The following ZNF544 variants were observed in gnomAD, a reference collection of about 807,000 sequenced individuals.
The protein encoded by ZNF544 is zinc finger protein 544.
ZNF544 carries 10 observed loss-of-function variants against 13.5 expected under a neutral mutation model. The observed-to-expected ratio is 0.74, with a 90% CI of 0.46 to 1.25. ZNF544 has a LOEUF of 1.25. ZNF544 is among the 50% of genes most tolerant of loss of function. The probability of loss-of-function intolerance (pLI) is 0.00; values close to 1 mark genes in which losing one functional copy is unlikely to be tolerated. For synonymous variants in ZNF544, 323 were observed against 300.5 expected, an observed-to-expected ratio of 1.07 and a Z score of -0.77; for missense variants, 896 against 845.6, an observed-to-expected ratio of 1.06 and a Z score of -0.74.
At chr19:58,276,420 A>G (rs926345620) in exon 6 of ZNF544, 3 of 1,231,080 alleles carry the variant, frequency 2.4e-6, no homozygotes, top group Non-Finnish European at 3.0e-6. Flanking sequence ...AGCAGCTGCC[A>G]CTTGCTCAGG....
Position 58,261,574 on chromosome 19 carries a change from A to G in ZNF544, c.968A>G (p.Glu323Gly), listed in dbSNP as rs2048957517. The G allele has an allele frequency of 2.5e-6, 4 of 1,614,194 alleles. No homozygotes were observed. The highest frequency in any genetic ancestry group is 3.4e-6 in the Non-Finnish European group (4 of 1,180,034). Residue 323 changes from glutamate to glycine, a missense_variant, in exon 7 of 7, where the codon GAG becomes GGG. By Grantham distance (98) the Glu-to-Gly change is moderately conservative. Transcript: ENST00000687789. ...LVQTERSGPG[E>G]TPFRCEERCA... ...CAAACAGAAAGAAGTGGCCCTGGAGAGACCCCCTTCAGATGTGAGGAACGC... is the reference window on the plus strand; with the variant it reads ...CAAACAGAAAGAAGTGGCCCTGGAGGGACCCCCTTCAGATGTGAGGAACGC...
Position 58,270,939 on chromosome 19 carries a change from C to T in ZNF544, c.245-5384C>T, listed in dbSNP as rs535119460. ...AAAACTAAAGATGATTGGCTGGATG[C>T]GGTGGCTTATGCCTGTAATCCCAGC... On this transcript the variant is annotated intron_variant, in intron 5 of 6. Transcript: ENST00000595981. 2.6e-5 allele frequency among the ~76,000 whole-genome samples: 4 copies of T among 152,210 alleles called. No individual in the cohort carries two copies. In the East Asian group the frequency reaches 5.8e-4, roughly 22 times the overall value.
At position 58,261,598 on chromosome 19, in the gene ZNF544, G is replaced by C. The variant is rs758931328; in HGVS notation, c.992G>C (p.Arg331Pro). Residue 331 changes from arginine (R) to proline (P), a missense_variant, in exon 7 of 7, where the codon CGC becomes CCC. Coordinates refer to ENST00000687789, the MANE Select transcript of ZNF544 (RefSeq NM_014480.4). The part of the protein sequence containing the change: ...PGETPFRCEE[R>P]CAAFPMASSF... ...GAGACCCCCTTCAGATGTGAGGAAC[G>C]CTGTGCTGCCTTCCCCATGGCCTCA... 5 of 1,614,204 alleles carry C rather than the reference G, an allele frequency of 3.1e-6. No individual in the cohort carries two copies. The highest frequency in any genetic ancestry group is 4.2e-6 in the Non-Finnish European group (5 of 1,180,038).
At chr19:58,247,190 A>C (rs1429357615) in intron 6 of ZNF544, 2 of 155,064 alleles carry the variant, frequency 1.3e-5, no homozygotes, top group African/African-American at 4.8e-5. Context: ...GGCTCAAGCA[A>C]TTCTCATGCG....
chr19:58,263,693 G>A (rs1458914838), downstream of ZNF544: 8 of 559,932 alleles, frequency 1.4e-5, no homozygotes, highest in Non-Finnish European at 1.8e-5. Context: ...GGGCATGGTG[G>A]CTCATGCCTG....
Position 58,261,452 on chromosome 19 carries a change from T to G in ZNF544, c.846T>G (p.Ser282Arg). ...ATTATGGAAACCTCTTCAGTCACAG[T>G]GTGTCTCTGAATGAACAGAAGCCAG... ...CKDYGNLFSH[S>R]VSLNEQKPVH... is the part of the protein sequence containing the mutation. The change falls in exon 7 of 7, where the codon AGT (serine) becomes AGG (arginine). Residue 282 changes from serine to arginine, a missense_variant. Physicochemically the swap from Ser to Arg is moderately radical, Grantham distance 110. Coordinates refer to ENST00000687789, the MANE Select transcript of ZNF544 (RefSeq NM_014480.4). The G allele has an allele frequency of 6.2e-7, 1 of 1,614,178 alleles. No homozygotes were observed. Among genetic ancestry groups the G allele is most frequent in the Non-Finnish European group, 8.5e-7 (1 of 1,180,036 alleles).
chr19:58,232,518 C>CT (rs1266933428), intron 3 of ZNF544, among the ~76,000 whole-genome samples: 1 of 151,746 alleles, frequency 6.6e-6, no homozygotes, highest in Non-Finnish European at 1.5e-5. Context: ...ACCCAGCTAA[C>CT]TTTTTGATTT....
At chr19:58,271,115 G>C (rs939974835) in intron 5 of ZNF544, among the ~76,000 whole-genome samples, 4 of 151,922 alleles carry the variant, frequency 2.6e-5, no homozygotes, top group Admixed American at 1.3e-4. Flanking sequence ...AGGAGGCTGA[G>C]GCAGGAGAAT....
chr19:58,268,763 G>A (rs1303267886), downstream of ZNF544, among the ~76,000 whole-genome samples: 1 of 152,222 alleles, frequency 6.6e-6, no homozygotes, highest in East Asian at 1.9e-4. Flanking sequence ...AGCATAGGCT[G>A]TAAGCTGGAA....
chr19:58,245,975 C>T (rs1386457238), intron 4 of ZNF544: 1 of 363,532 alleles, frequency 2.8e-6, no homozygotes, highest in Non-Finnish European at 5.4e-6. Context: ...TTACAAACAA[C>T]AGAATTGACT....
chr19:58,268,441 C>CCCAAG (rs765521694), downstream of ZNF544, among the ~76,000 whole-genome samples: 944 of 152,294 alleles, frequency 6.2e-3, 5 homozygotes, highest in Non-Finnish European at 8.9e-3. Context: ...ATGCTTGTTG[C>CCCAAG]CTGGTGCTGC....
downstream of ZNF544, among the ~76,000 whole-genome samples, chr19:58,265,017 A>G (rs1400468042): frequency 6.6e-6 from 1 of 152,166 alleles, no homozygotes; most frequent in Non-Finnish European, 1.5e-5. Flanking sequence ...TGTGTCTCCA[A>G]AAACAACAAA....
chr19:58,261,403 T>G lies in ZNF544; in HGVS notation c.797T>G (p.Val266Gly). 3.7e-6 allele frequency: 6 copies of G among 1,614,144 alleles called. No homozygotes were observed. The highest frequency in any genetic ancestry group is 3.4e-6 in the Non-Finnish European group (4 of 1,180,030). ...TGTTTTCATGGTAGAACTTTTTCAGTGAAGAAAAGTGATGACTGTAAGGAT... is the reference window on the plus strand; with the variant it reads ...TGTTTTCATGGTAGAACTTTTTCAGGGAAGAAAAGTGATGACTGTAAGGAT... ...SLCFHGRTFS[V>G]KKSDDCKDYG... The change falls in exon 7 of 7, where the codon GTG becomes GGG. Residue 266 changes from valine (V) to glycine (G), a missense_variant. Coordinates refer to ENST00000687789, the MANE Select transcript of ZNF544 (RefSeq NM_014480.4).
chr19:58,262,171 GCAAC>G lies in ZNF544; in HGVS notation c.1567_1570del (p.Asn523CysfsTer68). On this transcript the variant is annotated frameshift_variant, in exon 7 of 7. Coordinates refer to ENST00000687789, the MANE Select transcript of ZNF544 (RefSeq NM_014480.4). LOFTEE classifies it low-confidence loss of function (END_TRUNC). ...CACACTGGAGAGAAGCCCTATGAGT[GCAAC>G]CTGTGTGGGAAATCCTTCTCCCAGA... 4 of 1,613,564 alleles carry G rather than the reference GCAAC, an allele frequency of 2.5e-6. No individual in the cohort carries two copies. The highest frequency in any genetic ancestry group is 3.4e-6 in the Non-Finnish European group (4 of 1,179,924).
At chr19:58,243,549 C>T (rs565975005) in intron 3 of ZNF544, among the ~76,000 whole-genome samples, 9 of 151,954 alleles carry the variant, frequency 5.9e-5, no homozygotes, top group South Asian at 4.2e-4. Context: ...CTCCCAGAGC[C>T]GAGGGAAGTT....
intron 5 of ZNF544, 127 bp downstream of exon 5, chr19:58,246,554 GGGTTGCCCTTCATTCTATCTCT>G: frequency 6.7e-7 from 1 of 1,491,688 alleles, no homozygotes; most frequent in Non-Finnish European, 9.1e-7. Context: ...CAGTTCCCAG[GGGTTGCCCTTCATTCTATCTCT>G]GGGACAGGTT....
intron 4 of ZNF544, among the ~76,000 whole-genome samples, chr19:58,245,590 G>A (rs1033247190): frequency 5.3e-4 from 80 of 152,278 alleles, no homozygotes; most frequent in Admixed American, 5.0e-3. Context: ...GTGAGCCACC[G>A]TGCCCGGTCA....
At chr19:58,275,690 T>C (rs756516976) in intron 5 of ZNF544, among the ~76,000 whole-genome samples, 7 of 141,480 alleles carry the variant, frequency 4.9e-5, no homozygotes, top group Non-Finnish European at 9.0e-5. Context: ...GAGGCTGAGG[T>C]GGGAGAATCC....
intron 3 of ZNF544, among the ~76,000 whole-genome samples, chr19:58,239,880 C>CA: frequency 6.9e-6 from 1 of 144,008 alleles, no homozygotes; most frequent in African/African-American, 2.6e-5. Context: ...GCCTGGGCAA[C>CA]AGAGCAAGAC....
Sources: gnomAD v4.1 joint callset for allele counts (sites outside exome capture counted in the v4.1 genomes callset) on GRCh38, gnomAD v4.1.1 for gene constraint, MANE v1.5 for transcripts, NCBI Gene and HGNC (gene_info 2026-07-23, HGNC 2026-07-21) for gene names.